SLC25A18: variants seen among roughly 807,000 people sequenced by gnomAD.
SLC25A18 encodes solute carrier family 25 member 18.
A neutral mutation model predicts 31.1 loss-of-function variants in SLC25A18; 24 were observed. That is an observed-to-expected ratio of 0.77 (90% confidence interval 0.56 to 1.08). SLC25A18 has a LOEUF of 1.08. Ranked by LOEUF, SLC25A18 falls within the 50% of genes least tolerant of loss-of-function variation. The pLI, the probability that SLC25A18 is intolerant of heterozygous loss-of-function variation, is 0.00. For synonymous variants in SLC25A18, 173 were observed against 161.9 expected, an observed-to-expected ratio of 1.07 and a Z score of -0.52; for missense variants, 371 against 418.5, an observed-to-expected ratio of 0.89 and a Z score of 0.99.
chr22:17,587,317 G>A lies in SLC25A18; in HGVS notation c.575+16G>A, dbSNP rs375464853. On this transcript the variant is annotated intron_variant, in intron 8 of 10. Coordinates refer to ENST00000327451, the MANE Select transcript of SLC25A18 (RefSeq NM_031481.3). ...CTCTCCTCAGGTGAGCCTTTCTTCC[G>A]GTTCCCTAGGACAAGTGCACGGGGG... 31 of 1,604,884 alleles carry A rather than the reference G, an allele frequency of 1.9e-5. No homozygotes were observed. The African/African-American group carries it at 2.4e-4, about 12-fold the overall frequency.
At chr22:17,568,850 C>CGTT (rs2057012552) in intron 1 of SLC25A18, among the ~76,000 whole-genome samples, 1 of 151,756 alleles carries the variant, frequency 6.6e-6, no homozygotes, top group African/African-American at 2.4e-5. Context: ...CGTGAGCAAC[C>CGTT]GTGCCCGGCC....
intron 9 of SLC25A18, among the ~76,000 whole-genome samples, chr22:17,589,344 A>AT (rs1294503802): frequency 4.6e-5 from 7 of 151,690 alleles, no homozygotes; most frequent in African/African-American, 1.7e-4. Context: ...CGCCCGGCTC[A>AT]TTTTTGTATT....
chr22:17,579,331 C>T (rs1419867909), intron 2 of SLC25A18, among the ~76,000 whole-genome samples: 2 of 152,160 alleles, frequency 1.3e-5, no homozygotes, highest in Non-Finnish European at 2.9e-5. Context: ...AGGCAATCCG[C>T]CCGCCTCGGC....
chr22:17,566,015 C>T (rs1307032147), intron 1 of SLC25A18, among the ~76,000 whole-genome samples: 3 of 152,182 alleles, frequency 2.0e-5, no homozygotes, highest in Admixed American at 2.0e-4. Flanking sequence ...TTTTTGAGGA[C>T]CTGCCATACT....
At chr22:17,564,424 C>T (rs867736009) in intron 1 of SLC25A18, among the ~76,000 whole-genome samples, 3 of 152,204 alleles carry the variant, frequency 2.0e-5, no homozygotes, top group Non-Finnish European at 2.9e-5. Flanking sequence ...GGTTCTGATG[C>T]AAACTGACCT....
chr22:17,574,304 T>C (rs1296810), intron 2 of SLC25A18, among the ~76,000 whole-genome samples: 66,705 of 152,110 alleles, frequency 0.44, 17,785 homozygotes, highest in African/African-American at 0.76. Context: ...CTTTTCATGT[T>C]GTGAAAATGC....
chr22:17,581,593 G>A (rs553154361), intron 5 of SLC25A18, 180 bp downstream of exon 5: 16 of 649,812 alleles, frequency 2.5e-5, no homozygotes, highest in South Asian at 1.9e-4. Flanking sequence ...TAAGGCTTCC[G>A]GAGACCCACA....
rs759656710 is a variant in SLC25A18, at chr22:17,583,598, C to T, written c.409+64C>T. 14 of 1,566,776 alleles carry T rather than the reference C, an allele frequency of 8.9e-6. No homozygotes were observed. In the East Asian group the frequency reaches 1.2e-4, roughly 13 times the overall value. On this transcript the variant is annotated intron_variant, in intron 7 of 10. Transcript: ENST00000327451. The stretch of plus-strand genomic sequence containing the variant: ...GCTGGGATTGGAACCAGGCACATCC[C>T]ACATCCCAACCTCATTTGCTAGGCT...
chr22:17,563,633 T>G lies in SLC25A18; in HGVS notation c.-344T>G. On this transcript the variant is annotated 5_prime_UTR_variant, in exon 1 of 11. Transcript: ENST00000327451. ...CTTTGAGAAGGAACTGAGTAGGCAGTGAGAAGAGTCGAGTGAAGCCTGGCC... is the reference window on the plus strand; with the variant it reads ...CTTTGAGAAGGAACTGAGTAGGCAGGGAGAAGAGTCGAGTGAAGCCTGGCC... 5 of 982,870 alleles carry G rather than the reference T, an allele frequency of 5.1e-6. No individual in the cohort carries two copies. Among genetic ancestry groups the G allele is most frequent in the Non-Finnish European group, 6.0e-6 (5 of 827,636 alleles). The allele number at this position is 982,870 out of a possible 1,614,324, so 60.9% of individuals were successfully genotyped here. A position where few individuals can be genotyped will look rare whatever the true frequency, so the allele number is the denominator to read the frequency against.
chr22:17,587,694 G>A (rs187911900), intron 8 of SLC25A18, among the ~76,000 whole-genome samples: 3 of 152,346 alleles, frequency 2.0e-5, no homozygotes, highest in Admixed American at 2.0e-4. Flanking sequence ...CAGTCAAGAG[G>A]CTGCAGGTGC....
rs565432763 is a variant in SLC25A18, at chr22:17,581,100, C to T, written c.84C>T (p.Pro28=). The change falls in exon 4 of 11, where the codon CCC becomes CCT. Residue 28 remains proline, a synonymous_variant. Transcript: ENST00000327451. ...AGLVGVTCVF[P]IDLAKTRLQN... is the part of the protein sequence containing the mutation. ...TCGTGGGGGTGACCTGCGTGTTCCC[C>T]ATCGACTTGGCCAAGACTCGCCTGC... 98 of 1,578,062 alleles carry T rather than the reference C, an allele frequency of 6.2e-5. 1 individual carries two copies. In the South Asian group the frequency reaches 1.1e-3, roughly 17 times the overall value.
chr22:17,581,244 CGT>C (rs140144096), intron 4 of SLC25A18, 85 bp downstream of exon 4: 114,366 of 1,576,496 alleles, frequency 0.073, 5,502 homozygotes, highest in South Asian at 0.21. Flanking sequence ...AGGCAGCGCG[CGT>C]GAGCCTGGGG....
intron 2 of SLC25A18, among the ~76,000 whole-genome samples, chr22:17,573,692 A>G (rs530569477): frequency 1.4e-4 from 22 of 152,164 alleles, no homozygotes; most frequent in African/African-American, 5.1e-4. Flanking sequence ...CCTAACTTGC[A>G]TCCTTCATTC....
intron 9 of SLC25A18, 95 bp from the exon 10 acceptor site, chr22:17,589,495 T>A: frequency 9.1e-7 from 1 of 1,103,568 alleles, no homozygotes; most frequent in Non-Finnish European, 1.3e-6. Flanking sequence ...GTTTTATATG[T>A]GGTGGCTCTA....
At chr22:17,583,264 A>G in intron 6 of SLC25A18, 152 bp from the exon 7 acceptor site, 1 of 883,524 alleles carries the variant, frequency 1.1e-6, no homozygotes, top group Non-Finnish European at 1.8e-6. Context: ...CCGTACAGAG[A>G]CCACACCTAA....
chr22:17,573,852 AGG>A (rs1231671889), intron 2 of SLC25A18, among the ~76,000 whole-genome samples: 1 of 152,112 alleles, frequency 6.6e-6, no homozygotes, highest in East Asian at 1.9e-4. Context: ...TTTACTCTGA[AGG>A]GTCTCCTAAT....
rs1360588288 is a variant in SLC25A18, at chr22:17,581,383, C to T, written c.169C>T (p.Arg57Trp). Residue 57 changes from arginine (R) to tryptophan (W), a missense_variant, in exon 5 of 11, where the codon CGG (arginine) becomes TGG (tryptophan). Coordinates refer to ENST00000327451, the MANE Select transcript of SLC25A18 (RefSeq NM_031481.3). ...GATCGACTGCCTGATGAAGACGGCT[C>T]GGGCGGAGGGCTTCTTCGGCATGTA... ...GMIDCLMKTA[R>W]AEGFFGMYRG... 1 of 1,614,080 alleles carries T rather than the reference C, an allele frequency of 6.2e-7. No homozygotes were observed. The highest frequency in any genetic ancestry group is 1.1e-5 in the South Asian group (1 of 91,084).
intron 2 of SLC25A18, among the ~76,000 whole-genome samples, chr22:17,576,969 C>A (rs918326134): frequency 6.6e-6 from 1 of 152,194 alleles, no homozygotes; most frequent in Non-Finnish European, 1.5e-5. Flanking sequence ...AAGCGATTCT[C>A]CTGCCTCAGC....
rs1358248078 is a variant in SLC25A18, at chr22:17,577,700, C to A, written c.-200-2045C>A. On this transcript the variant is annotated intron_variant, in intron 2 of 10. Transcript: ENST00000327451. ...GGTTCATGCCATTCTCCTGCCTCAG[C>A]CTCCTGAGTAGCTGGGACTACATGC... 2.7e-5 allele frequency among the ~76,000 whole-genome samples: 4 copies of A among 148,950 alleles called. 1 individual carries two copies. In the South Asian group the frequency reaches 8.5e-4, roughly 32 times the overall value.
Sources: allele counts gnomAD v4.1 joint callset (sites outside exome capture counted in the v4.1 genomes callset), GRCh38; gene constraint gnomAD v4.1.1; transcripts MANE v1.5; gene names NCBI Gene and HGNC (gene_info 2026-07-23, HGNC 2026-07-21).